Variants in AGBL4 observed in about 807,000 individuals in gnomAD.
The protein encoded by AGBL4 is AGBL carboxypeptidase 4, also known as cytosolic carboxypeptidase 6.
A neutral mutation model predicts 66.4 loss-of-function variants in AGBL4; 58 were observed. The ratio of observed to expected loss-of-function variants is 0.87; its 90% CI spans 0.71 to 1.09. The LOEUF (loss-of-function observed/expected upper bound fraction) is 1.09, where lower values mean the gene tolerates loss of function less well. Ranked by LOEUF, AGBL4 falls within the 50% of genes least tolerant of loss-of-function variation. The pLI, the probability that AGBL4 is intolerant of heterozygous loss-of-function variation, is 0.00. For synonymous variants in AGBL4, 234 were observed against 222.9 expected (o/e 1.05, Z -0.44); for missense variants, 579 against 631.0 (o/e 0.92, Z 0.88).
intron 3 of AGBL4, among the ~76,000 whole-genome samples, chr1:49,421,761 T>A (rs1446680745): frequency 6.6e-6 from 1 of 152,202 alleles, no homozygotes; most frequent in African/African-American, 2.4e-5. Flanking sequence ...TACTTTCCCA[T>A]CTCTTGACTT....
At chr1:49,978,749 G>C (rs1237724706) in intron 1 of AGBL4, among the ~76,000 whole-genome samples, 1 of 151,990 alleles carries the variant, frequency 6.6e-6, no homozygotes, top group African/African-American at 2.4e-5. Context: ...TATATGCATG[G>C]GTAAAGGAAT....
intron 3 of AGBL4, among the ~76,000 whole-genome samples, chr1:49,648,985 G>T (rs955947405): frequency 6.6e-6 from 1 of 152,012 alleles, no homozygotes; most frequent in African/African-American, 2.4e-5. Context: ...AATAATACTA[G>T]CAAAAATATA....
chr1:49,414,843 A>G (rs1440956791), intron 3 of AGBL4, among the ~76,000 whole-genome samples: 1 of 152,158 alleles, frequency 6.6e-6, no homozygotes, highest in Non-Finnish European at 1.5e-5. Context: ...GATGTATGTA[A>G]AGTATTTAAA....
At chr1:49,670,860 T>C (rs1415087205) in intron 3 of AGBL4, among the ~76,000 whole-genome samples, 1 of 152,176 alleles carries the variant, frequency 6.6e-6, no homozygotes, top group Non-Finnish European at 1.5e-5. Flanking sequence ...AAATGCTTTA[T>C]TAGAAACAAA....
intron 1 of AGBL4, among the ~76,000 whole-genome samples, chr1:49,967,730 T>C (rs1353089322): frequency 6.6e-6 from 1 of 152,152 alleles, no homozygotes; most frequent in Non-Finnish European, 1.5e-5. Flanking sequence ...CCTAACAAGC[T>C]TAAGGCCTTA....
At position 49,424,254 on chromosome 1, in the gene AGBL4, G is replaced by T. The variant is rs1239080595; in HGVS notation, c.283-178390C>A. ...CTATGCTTATGACGAAACAAACAAAGAAACAAACAGTTAAATAGAGCCAAA... is the reference window on the plus strand; with the variant it reads ...CTATGCTTATGACGAAACAAACAAATAAACAAACAGTTAAATAGAGCCAAA... On this transcript the variant is annotated intron_variant, in intron 3 of 13. Coordinates refer to ENST00000371839, the MANE Select transcript of AGBL4 (RefSeq NM_032785.4). 3.9e-5 allele frequency among the ~76,000 whole-genome samples: 6 copies of T among 151,988 alleles called. No homozygotes were observed. In the East Asian group the frequency reaches 5.8e-4, roughly 15 times the overall value.
At chr1:49,423,129 T>C (rs1645580922) in intron 3 of AGBL4, 1 of 152,182 alleles carries the variant, frequency 6.6e-6, no homozygotes, top group African/African-American at 2.4e-5. Context: ...ACGAACCACA[T>C]ATATCCTATT....
At chr1:49,950,018 ATATG>A (rs764758563) in intron 1 of AGBL4, among the ~76,000 whole-genome samples, 501 of 17,166 alleles carry the variant, frequency 0.029, 1 homozygote, top group Non-Finnish European at 0.053. Context: ...ATACACACAC[ATATG>A]TGTGTGTGTG....
chr1:49,263,993 T>C (rs1157089888), intron 3 of AGBL4, among the ~76,000 whole-genome samples: 1 of 152,124 alleles, frequency 6.6e-6, no homozygotes, highest in African/African-American at 2.4e-5. Context: ...TAGAGAAACT[T>C]CCAAAAACTA....
intron 3 of AGBL4, among the ~76,000 whole-genome samples, chr1:49,248,985 G>A (rs1452661254): frequency 6.6e-6 from 1 of 152,138 alleles, no homozygotes; most frequent in African/African-American, 2.4e-5. Flanking sequence ...TCATATGTGA[G>A]GAATGGAGTA....
At chr1:49,133,932 T>C (rs1182245005) in intron 4 of AGBL4, among the ~76,000 whole-genome samples, 1 of 151,984 alleles carries the variant, frequency 6.6e-6, no homozygotes, top group African/African-American at 2.4e-5. Context: ...CTAATACATA[T>C]ATATATATAT....
chr1:49,142,131 T>C (rs1308632090), intron 4 of AGBL4, among the ~76,000 whole-genome samples: 1 of 152,050 alleles, frequency 6.6e-6, no homozygotes, highest in African/African-American at 2.4e-5. Flanking sequence ...CGCTTCTTAT[T>C]GAGAATCTAA....
intron 1 of AGBL4, among the ~76,000 whole-genome samples, chr1:49,904,411 T>A (rs1650065370): frequency 6.6e-6 from 1 of 152,158 alleles, no homozygotes; most frequent in African/African-American, 2.4e-5. Context: ...GACAGAGACA[T>A]TGGATAATAA....
intron 1 of AGBL4, among the ~76,000 whole-genome samples, chr1:49,864,008 G>A (rs185836093): frequency 2.6e-5 from 4 of 152,176 alleles, no homozygotes; most frequent in East Asian, 1.9e-4. Flanking sequence ...GGGAAAAACC[G>A]AAGTGTTCAC....
At chr1:49,621,545 G>A (rs1307389736) in intron 3 of AGBL4, among the ~76,000 whole-genome samples, 1 of 152,162 alleles carries the variant, frequency 6.6e-6, no homozygotes, top group African/African-American at 2.4e-5. Flanking sequence ...TAAATTGTGG[G>A]AGCTAAGAAC....
intron 4 of AGBL4, among the ~76,000 whole-genome samples, chr1:49,074,086 C>A (rs757011769): frequency 1.2e-4 from 18 of 152,188 alleles, no homozygotes; most frequent in South Asian, 2.1e-4. Flanking sequence ...GCCCCTCCCC[C>A]CACCAAGCTC....
chr1:49,954,104 A>G (rs1165459848), intron 1 of AGBL4, among the ~76,000 whole-genome samples: 1 of 151,762 alleles, frequency 6.6e-6, no homozygotes, highest in African/African-American at 2.4e-5. Context: ...TATGTTACAT[A>G]TATTGGTCTC....
chr1:49,526,858 G>A (rs1189728660), intron 3 of AGBL4, among the ~76,000 whole-genome samples: 1 of 152,118 alleles, frequency 6.6e-6, no homozygotes, highest in Non-Finnish European at 1.5e-5. Flanking sequence ...CATTTTCTGT[G>A]TAATTCTGGA....
intron 4 of AGBL4, among the ~76,000 whole-genome samples, chr1:49,171,717 T>C (rs1394374231): frequency 1.3e-5 from 2 of 152,192 alleles, no homozygotes; most frequent in Non-Finnish European, 2.9e-5. Context: ...AAATTATCTC[T>C]TTCTCCAGTA....
Sources: allele counts gnomAD v4.1 joint callset (sites outside exome capture counted in the v4.1 genomes callset), GRCh38; gene constraint gnomAD v4.1.1; transcripts MANE v1.5; gene names NCBI Gene and HGNC (gene_info 2026-07-23, HGNC 2026-07-21).